The following CSGALNACT1 variants were observed in gnomAD, a reference collection of about 807,000 sequenced individuals.
CSGALNACT1 encodes the protein chondroitin sulfate N-acetylgalactosaminyltransferase 1, also known as beta4GalNAcT-1.
CSGALNACT1 carries 52 observed loss-of-function variants against 51.0 expected under a neutral mutation model. The observed-to-expected ratio is 1.02, with a 90% CI of 0.82 to 1.29. CSGALNACT1 has a LOEUF of 1.29. Ranked by LOEUF, CSGALNACT1 falls within the 50% of genes most tolerant of loss-of-function variation. The pLI is 0.00. For missense variants in CSGALNACT1, 935 were observed against 679.2 expected (o/e 1.38, Z -4.19); for synonymous variants, 341 against 254.4 (o/e 1.34, Z -3.24).
chr8:19,731,471 G>C (rs1036935807), intron 1 of CSGALNACT1, among the ~76,000 whole-genome samples: 1 of 152,144 alleles, frequency 6.6e-6, no homozygotes, highest in Non-Finnish European at 1.5e-5. Context: ...TTACACCACT[G>C]CATTCTAGCC....
intron 1 of CSGALNACT1, among the ~76,000 whole-genome samples, chr8:19,703,686 G>A (rs889080319): frequency 6.6e-6 from 1 of 152,144 alleles, no homozygotes; most frequent in Non-Finnish European, 1.5e-5. Flanking sequence ...ACCTTCCACA[G>A]TAAAACAAAG....
rs531172042 is a variant in CSGALNACT1 at position 19,407,099 on chromosome 8, G to C, written c.1310-1030C>G. On this transcript the variant is annotated intron_variant, in intron 9 of 9. Transcript: ENST00000454498. ...TCAGAGATGTCCAAGAACACCTGCTGTTAGTTGTTGAGTGTCTGCAGGGCA... is the reference window on the plus strand; with the variant it reads ...TCAGAGATGTCCAAGAACACCTGCTCTTAGTTGTTGAGTGTCTGCAGGGCA... 4.4e-4 allele frequency among the ~76,000 whole-genome samples: 67 copies of C among 152,306 alleles called. 1 individual carries two copies. In the South Asian group the frequency reaches 8.9e-3, roughly 20 times the overall value.
rs118080729 is a variant in CSGALNACT1, at chr8:19,544,555, C to T, written c.-296-38425G>A. 8.5e-4 allele frequency among the ~76,000 whole-genome samples: 129 copies of T among 152,256 alleles called. No homozygotes were observed. The East Asian group carries it at 0.022, about 26-fold the overall frequency. ...AAAGATAACTCCGAACAGATATCCA[C>T]CTGATTGAATGACCCTTTTGCTTTT... On this transcript the variant is annotated intron_variant, in intron 3 of 9. Transcript: ENST00000454498.
intron 1 of CSGALNACT1, among the ~76,000 whole-genome samples, chr8:19,647,267 C>G (rs533463240): frequency 9.2e-5 from 14 of 152,000 alleles, no homozygotes; most frequent in African/African-American, 2.9e-4. Flanking sequence ...AATGGCTACA[C>G]GAGGCTACAC....
chr8:19,698,442 C>T (rs2061689300), intron 1 of CSGALNACT1, among the ~76,000 whole-genome samples: 1 of 152,200 alleles, frequency 6.6e-6, no homozygotes, highest in Non-Finnish European at 1.5e-5. Context: ...AAGCTACTAT[C>T]TCATTAATAC....
rs189772859 is a variant in CSGALNACT1 at position 19,491,384 on chromosome 8, G to C, written c.634+13817C>G. 3.1e-4 allele frequency among the ~76,000 whole-genome samples: 47 copies of C among 152,110 alleles called. 2 individuals are homozygous for C. In the East Asian group the frequency reaches 7.0e-3, roughly 23 times the overall value. On this transcript the variant is annotated intron_variant, in intron 4 of 9. Coordinates refer to ENST00000454498, the Ensembl canonical transcript of CSGALNACT1. ...ATTTCTGAGAATCAGCTTTCAGAAA[G>C]GAAAATACTGGAAAAAGCTATGAAT...
chr8:19,698,802 A>C (rs1390101343), intron 1 of CSGALNACT1, among the ~76,000 whole-genome samples: 1 of 152,222 alleles, frequency 6.6e-6, no homozygotes, highest in Non-Finnish European at 1.5e-5. Context: ...CATATGATCC[A>C]GCAATTTTGC....
chr8:19,639,334 G>C (rs770879304), intron 1 of CSGALNACT1, among the ~76,000 whole-genome samples: 2 of 152,170 alleles, frequency 1.3e-5, no homozygotes, highest in Non-Finnish European at 1.5e-5. Flanking sequence ...GGGTCTGGGG[G>C]AAATATGCTA....
At chr8:19,594,170 G>C (rs2048409031) in intron 2 of CSGALNACT1, among the ~76,000 whole-genome samples, 1 of 152,148 alleles carries the variant, frequency 6.6e-6, no homozygotes. Context: ...GAGAAGAACA[G>C]AAAAACATGG....
chr8:19,443,217 C>G (rs1040411681), intron 5 of CSGALNACT1, among the ~76,000 whole-genome samples: 1 of 152,088 alleles, frequency 6.6e-6, no homozygotes, highest in African/African-American at 2.4e-5. Flanking sequence ...CGGTTTAGTT[C>G]ATTTATGTAT....
chr8:19,718,492 G>A (rs893884302), intron 1 of CSGALNACT1, among the ~76,000 whole-genome samples: 12 of 152,124 alleles, frequency 7.9e-5, no homozygotes, highest in African/African-American at 2.4e-4. Flanking sequence ...GCAACAAAAC[G>A]CACAGTTGCA....
At chr8:19,459,976 G>A (rs545148041) in intron 4 of CSGALNACT1, among the ~76,000 whole-genome samples, 9 of 152,102 alleles carry the variant, frequency 5.9e-5, no homozygotes, top group Non-Finnish European at 2.9e-5. Flanking sequence ...CTCAGAACAA[G>A]CCTCCCTAGG....
chr8:19,497,788 T>C (rs1367162811), intron 4 of CSGALNACT1, among the ~76,000 whole-genome samples: 1 of 152,152 alleles, frequency 6.6e-6, no homozygotes, highest in African/African-American at 2.4e-5. Flanking sequence ...CTCCCTAATG[T>C]ATTCAAAGTC....
intron 1 of CSGALNACT1, among the ~76,000 whole-genome samples, chr8:19,641,069 A>T (rs2056677827): frequency 6.8e-6 from 1 of 146,732 alleles, no homozygotes; most frequent in Admixed American, 6.8e-5. Flanking sequence ...CCTTCCATGG[A>T]GTTCTCAAGT....
chr8:19,473,850 T>G lies in CSGALNACT1; in HGVS notation c.635-15208A>C, dbSNP rs567303069. 9.6e-4 allele frequency among the ~76,000 whole-genome samples: 146 copies of G among 152,190 alleles called. 2 individuals carry two copies. Among genetic ancestry groups the G allele is most frequent in the Non-Finnish European group, 8.1e-4 (55 of 68,032 alleles). ...AAATGACAGAGAAACCACAGCAAGC[T>G]GAAGATCAAGAAAAGAATTATAAGC... On this transcript the variant is annotated intron_variant, in intron 4 of 9. Transcript: ENST00000454498.
intron 1 of CSGALNACT1, among the ~76,000 whole-genome samples, chr8:19,667,065 AAG>A (rs1491137115): frequency 1.6e-5 from 2 of 125,972 alleles, no homozygotes; most frequent in African/African-American, 5.7e-5. Context: ...GAAAGAAAGA[AAG>A]AAAGAAAGAA....
intron 6 of CSGALNACT1, among the ~76,000 whole-genome samples, chr8:19,431,813 CTTT>C (rs71205925): frequency 6.7e-6 from 1 of 148,960 alleles, no homozygotes. Flanking sequence ...GTTCTTTTTT[CTTT>C]TTTTTTTTAA....
In CSGALNACT1 at chr8:19,624,729, AGT is replaced by A. The variant is rs768994539; in HGVS notation, c.-543-22866_-543-22865del. Among the ~76,000 whole-genome samples the A allele has an allele frequency of 2.0e-5, 3 of 150,332 alleles. 1 individual carries two copies. Among genetic ancestry groups the A allele is most frequent in the Non-Finnish European group, 4.4e-5 (3 of 67,752 alleles). On this transcript the variant is annotated intron_variant, in intron 1 of 9. Coordinates refer to the CSGALNACT1 transcript ENST00000332246. ...AGTCTCGCTCTGTTGCCCAGGCTGG[AGT>A]GCAGTGGCGAGATCTCAGCTCACTG...
In CSGALNACT1 at chr8:19,458,620, G is replaced by C. The variant is rs760109126; in HGVS notation, c.657C>G (p.Asp219Glu). 1.4e-5 allele frequency: 23 copies of C among 1,613,960 alleles called. No individual in the cohort carries two copies. In the African/African-American group the frequency reaches 1.5e-4, roughly 10 times the overall value. The change falls in exon 5 of 10, where the codon GAC (aspartate) becomes GAG (glutamate). Residue 219 changes from aspartate to glutamate, a missense_variant. Coordinates refer to ENST00000454498, the Ensembl canonical transcript of CSGALNACT1. ...AGGTGAGCTCATACAATGTCCCTTTGTCCCTTTCTGTTCGGTAGATCCCTG... is the reference window on the plus strand; with the variant it reads ...AGGTGAGCTCATACAATGTCCCTTTCTCCCTTTCTGTTCGGTAGATCCCTG...
Sources: gnomAD v4.1 joint callset for allele counts (sites outside exome capture counted in the v4.1 genomes callset) on GRCh38, gnomAD v4.1.1 for gene constraint, MANE v1.5 for transcripts, NCBI Gene and HGNC (gene_info 2026-07-23, HGNC 2026-07-21) for gene names.